The following GRXCR1 variants were observed in gnomAD, a reference collection of about 807,000 sequenced individuals.
GRXCR1 encodes glutaredoxin and cysteine rich domain containing 1.
In GRXCR1, 27 loss-of-function variants were observed where a neutral mutation model predicts 27.3. The ratio of observed to expected loss-of-function variants is 0.99; its 90% CI spans 0.73 to 1.37. The LOEUF is 1.37. GRXCR1 is among the 40% of genes most tolerant of loss of function. GRXCR1 has a pLI of 0.00. For missense variants in GRXCR1, 379 were observed against 354.4 expected (o/e 1.07, Z -0.56); for synonymous variants, 122 against 131.1 (o/e 0.93, Z 0.47).
intron 1 of GRXCR1, among the ~76,000 whole-genome samples, chr4:42,945,612 G>A (rs567296838): frequency 6.6e-6 from 1 of 152,214 alleles, no homozygotes; most frequent in East Asian, 1.9e-4. Flanking sequence ...ATTGTAAATT[G>A]AGCTCTACAG....
intron 1 of GRXCR1, among the ~76,000 whole-genome samples, chr4:42,960,204 G>A (rs1161762426): frequency 6.6e-6 from 1 of 152,004 alleles, no homozygotes; most frequent in Non-Finnish European, 1.5e-5. Flanking sequence ...TCTGGGAAAA[G>A]TATTTCAGAA....
intron 1 of GRXCR1, among the ~76,000 whole-genome samples, chr4:42,961,826 G>C (rs1748134852): frequency 6.6e-6 from 1 of 151,984 alleles, no homozygotes; most frequent in Admixed American, 6.6e-5. Flanking sequence ...TGCGTACAAA[G>C]TGGTGGAGGT....
At chr4:42,908,192 G>A (rs1746640318) in intron 1 of GRXCR1, among the ~76,000 whole-genome samples, 1 of 152,162 alleles carries the variant, frequency 6.6e-6, no homozygotes, top group South Asian at 2.1e-4. Context: ...GAACCTGCTT[G>A]AGCCTGAGCT....
chr4:42,929,819 C>T (rs1320049343), intron 1 of GRXCR1, among the ~76,000 whole-genome samples: 1 of 151,906 alleles, frequency 6.6e-6, no homozygotes, highest in Non-Finnish European at 1.5e-5. Flanking sequence ...AACACCTGCA[C>T]CATAAAAATT....
At chr4:42,959,715 T>A (rs563751178) in intron 1 of GRXCR1, among the ~76,000 whole-genome samples, 124 of 152,036 alleles carry the variant, frequency 8.2e-4, no homozygotes, top group African/African-American at 2.9e-3. Context: ...AAAATGTAGA[T>A]TCTGAGTCAG....
At chr4:42,985,879 G>C (rs1322722679) in intron 2 of GRXCR1, among the ~76,000 whole-genome samples, 9 of 151,942 alleles carry the variant, frequency 5.9e-5, no homozygotes, top group Admixed American at 5.2e-4. Flanking sequence ...TTCATTTATA[G>C]CTTGACTTGA....
At chr4:42,946,130 T>C (rs1482235384) in intron 1 of GRXCR1, among the ~76,000 whole-genome samples, 2 of 152,150 alleles carry the variant, frequency 1.3e-5, no homozygotes, top group Non-Finnish European at 2.9e-5. Context: ...AATTATACTG[T>C]TCAGAATGAT....
chr4:42,969,663 A>G (rs529334687), intron 2 of GRXCR1, among the ~76,000 whole-genome samples: 1 of 152,244 alleles, frequency 6.6e-6, no homozygotes, highest in East Asian at 1.9e-4. Context: ...GTCTGCCTCC[A>G]TGATTCAATC....
intron 2 of GRXCR1, among the ~76,000 whole-genome samples, chr4:43,009,928 A>T (rs1270498206): frequency 6.6e-6 from 1 of 152,176 alleles, no homozygotes; most frequent in Non-Finnish European, 1.5e-5. Context: ...CTAGTGATTC[A>T]AACAAGTTAT....
chr4:42,909,377 A>G (rs1415989702), intron 1 of GRXCR1, among the ~76,000 whole-genome samples: 1 of 152,178 alleles, frequency 6.6e-6, no homozygotes, highest in Non-Finnish European at 1.5e-5. Flanking sequence ...AAGTTAGTTT[A>G]CCCGCACATC....
intron 2 of GRXCR1, among the ~76,000 whole-genome samples, chr4:42,990,986 G>A (rs566028201): frequency 6.1e-4 from 93 of 151,942 alleles, no homozygotes; most frequent in Admixed American, 1.5e-3. Context: ...TTATCAATTT[G>A]TCTTCATATA....
chr4:42,893,742 T>C (rs1746287188), intron 1 of GRXCR1, 92 bp downstream of exon 1: 2 of 1,196,136 alleles, frequency 1.7e-6, no homozygotes, highest in East Asian at 2.3e-5. Flanking sequence ...GCCTCTCTTA[T>C]TTGCAACTCC....
At chr4:42,942,889 C>T (rs180836276) in intron 1 of GRXCR1, among the ~76,000 whole-genome samples, 9 of 152,166 alleles carry the variant, frequency 5.9e-5, no homozygotes, top group African/African-American at 1.2e-4. Flanking sequence ...CTGAACCTTG[C>T]CTTCATGGTG....
intron 1 of GRXCR1, among the ~76,000 whole-genome samples, chr4:42,919,992 A>G (rs1043599898): frequency 5.9e-5 from 9 of 152,168 alleles, no homozygotes; most frequent in Non-Finnish European, 1.0e-4. Flanking sequence ...GCAAAGCATC[A>G]TGGCCTTTGT....
chr4:42,970,161 T>C (rs1356780961), intron 2 of GRXCR1, among the ~76,000 whole-genome samples: 1 of 152,186 alleles, frequency 6.6e-6, no homozygotes, highest in Non-Finnish European at 1.5e-5. Flanking sequence ...TCTGCCTCTG[T>C]GGCTCTGCAG....
intron 2 of GRXCR1, among the ~76,000 whole-genome samples, chr4:42,992,463 C>A (rs1265660451): frequency 6.6e-6 from 1 of 151,990 alleles, no homozygotes; most frequent in East Asian, 1.9e-4. Flanking sequence ...ATGTAGGGAG[C>A]TATTTTTTTC....
chr4:42,984,822 A>C (rs1472943907), intron 2 of GRXCR1, among the ~76,000 whole-genome samples: 2 of 152,172 alleles, frequency 1.3e-5, no homozygotes, highest in Non-Finnish European at 2.9e-5. Flanking sequence ...TGTGGACTGG[A>C]TATCAATTCT....
Position 42,938,861 on chromosome 4 carries a change from C to T in GRXCR1, c.385-24031C>T, listed in dbSNP as rs540771424. Among the ~76,000 whole-genome samples, 73 of 146,878 alleles carry T rather than the reference C, an allele frequency of 5.0e-4. 2 individuals are homozygous for T. The South Asian group carries it at 0.011, about 22-fold the overall frequency. ...TTCTGTATTCTGTTCCATTGGTCTA[C>T]GTGTCTGTTTTTTTTTTTGCCAGTA... On this transcript the variant is annotated intron_variant, in intron 1 of 3. Coordinates refer to ENST00000399770, the MANE Select transcript of GRXCR1 (RefSeq NM_001080476.3).
chr4:43,014,526 G>A (rs541066632), intron 2 of GRXCR1, among the ~76,000 whole-genome samples: 66 of 152,268 alleles, frequency 4.3e-4, no homozygotes, highest in African/African-American at 1.5e-3. Flanking sequence ...GTACTAAAGA[G>A]TCTTATGCTC....
Sources: allele counts gnomAD v4.1 joint callset (sites outside exome capture counted in the v4.1 genomes callset), GRCh38; gene constraint gnomAD v4.1.1; transcripts MANE v1.5; gene names NCBI Gene and HGNC (gene_info 2026-07-23, HGNC 2026-07-21).